The following USH2A variants were observed in gnomAD, a reference collection of about 807,000 sequenced individuals.
The protein encoded by USH2A is usherin.
A neutral mutation model predicts 538.9 loss-of-function variants in USH2A; 443 were observed. The ratio of observed to expected loss-of-function variants is 0.82; its 90% CI spans 0.76 to 0.89. USH2A has a LOEUF of 0.89. Ranked by LOEUF, USH2A falls within the 40% of genes least tolerant of loss-of-function variation. USH2A has a pLI of 0.00. For missense variants in USH2A, 6,633 were observed against 6,324.8 expected (o/e 1.05, Z -1.65); for synonymous variants, 2,413 against 2,273.5 (o/e 1.06, Z -1.75).
chr1:216,325,153 A>G (rs1384838443), intron 6 of USH2A, 152 bp downstream of exon 6: 1 of 915,926 alleles, frequency 1.1e-6, no homozygotes, highest in Admixed American at 2.2e-5. Context: ...GGAATCTTTA[A>G]GGGAATGTAG....
intron 19 of USH2A, among the ~76,000 whole-genome samples, chr1:216,193,166 T>C (rs879876492): frequency 2.6e-5 from 4 of 152,078 alleles, no homozygotes; most frequent in Non-Finnish European, 4.4e-5. Context: ...AGCCAGAGAA[T>C]AGTAAAAACA....
At chr1:215,993,317 T>TC in intron 34 of USH2A, 150 bp from the exon 35 acceptor site, 1 of 1,250,210 alleles carries the variant, frequency 8.0e-7, no homozygotes, top group Non-Finnish European at 1.1e-6. Context: ...AGTGTTAAGA[T>TC]TTAACATTTA....
At chr1:216,278,498 C>T (rs78841795) in intron 11 of USH2A, among the ~76,000 whole-genome samples, 1 of 152,106 alleles carries the variant, frequency 6.6e-6, no homozygotes, top group African/African-American at 2.4e-5. Flanking sequence ...CTCAATTTAC[C>T]AGCTCTATGA....
intron 32 of USH2A, among the ~76,000 whole-genome samples, chr1:216,006,219 T>C (rs1038121623): frequency 6.6e-6 from 1 of 152,210 alleles, no homozygotes; most frequent in Admixed American, 6.5e-5. Flanking sequence ...ATCTTCAGAA[T>C]GATTTCCAAG....
intron 4 of USH2A, among the ~76,000 whole-genome samples, chr1:216,351,168 T>C (rs2102690667): frequency 6.6e-6 from 1 of 152,336 alleles, no homozygotes; most frequent in Middle Eastern, 3.4e-3. Context: ...CTTTCTCTTT[T>C]ATATTATAGA....
At chr1:215,655,090 T>C (rs550048502) in intron 64 of USH2A, among the ~76,000 whole-genome samples, 1 of 152,370 alleles carries the variant, frequency 6.6e-6, no homozygotes, top group South Asian at 2.1e-4. Context: ...TTTGGGTACC[T>C]GTATCAGAAT....
At chr1:216,370,125 G>C (rs1057218242) in intron 3 of USH2A, among the ~76,000 whole-genome samples, 2 of 152,088 alleles carry the variant, frequency 1.3e-5, no homozygotes, top group Non-Finnish European at 2.9e-5. Flanking sequence ...TTGGGAGGCC[G>C]AGGTGGGCGG....
At chr1:216,353,704 G>T (rs887400633) in intron 4 of USH2A, among the ~76,000 whole-genome samples, 3 of 152,062 alleles carry the variant, frequency 2.0e-5, no homozygotes, top group African/African-American at 7.2e-5. Context: ...AAAAAAAGGG[G>T]TATAAATTAG....
intron 32 of USH2A, among the ~76,000 whole-genome samples, chr1:216,001,356 G>A (rs1164765273): frequency 6.6e-6 from 1 of 152,102 alleles, no homozygotes; most frequent in Non-Finnish European, 1.5e-5. Context: ...AGATGACCAT[G>A]AGACTAGGGT....
Position 216,251,114 on chromosome 1 carries a change from C to T in USH2A, c.1972-16G>A. 6.2e-7 allele frequency: 1 copy of T among 1,613,248 alleles called. No homozygotes were observed. Among genetic ancestry groups the T allele is most frequent in the Non-Finnish European group, 8.5e-7 (1 of 1,179,542 alleles). ...GTCCTCCAATCTAGAGAAGATACAACATTTTGTAGAATGATGAACGTATCT... is the reference window on the plus strand; with the variant it reads ...GTCCTCCAATCTAGAGAAGATACAATATTTTGTAGAATGATGAACGTATCT... On this transcript the variant is annotated splice_polypyrimidine_tract_variant and intron_variant, in intron 11 of 71. Transcript: ENST00000307340.
intron 61 of USH2A, among the ~76,000 whole-genome samples, chr1:215,720,664 A>G (rs1454721108): frequency 6.6e-6 from 1 of 152,182 alleles, no homozygotes; most frequent in Non-Finnish European, 1.5e-5. Flanking sequence ...TGTCAACGTG[A>G]TAGGACTTGA....
chr1:216,397,842 G>A (rs1375507689), intron 3 of USH2A, among the ~76,000 whole-genome samples: 1 of 152,228 alleles, frequency 6.6e-6, no homozygotes, highest in African/African-American at 2.4e-5. Flanking sequence ...ATAGCTTGCT[G>A]ACAGCCTGTC....
intron 13 of USH2A, among the ~76,000 whole-genome samples, chr1:216,246,298 C>T (rs997286270): frequency 6.6e-6 from 1 of 152,100 alleles, no homozygotes; most frequent in African/African-American, 2.4e-5. Context: ...TTTTAAAAAA[C>T]TGTTAAAAAG....
At chr1:216,295,703 G>T (rs1447419222) in intron 9 of USH2A, among the ~76,000 whole-genome samples, 1 of 151,886 alleles carries the variant, frequency 6.6e-6, no homozygotes, top group Non-Finnish European at 1.5e-5. Context: ...CCCAGCATAT[G>T]CCAGAGTTAC....
At chr1:215,628,247 C>T (rs1160704902) in intron 71 of USH2A, among the ~76,000 whole-genome samples, 5 of 151,948 alleles carry the variant, frequency 3.3e-5, no homozygotes, top group African/African-American at 1.2e-4. Flanking sequence ...TGTTTCCTGT[C>T]ATCTGCTCCA....
intron 35 of USH2A, among the ~76,000 whole-genome samples, chr1:215,973,985 C>T (rs999606536): frequency 2.1e-4 from 31 of 146,020 alleles, no homozygotes; most frequent in African/African-American, 6.9e-4. Context: ...CAGAGTTACC[C>T]GGCATCCTGT....
intron 4 of USH2A, among the ~76,000 whole-genome samples, chr1:216,344,838 C>T (rs1001300301): frequency 1.3e-5 from 2 of 151,154 alleles, no homozygotes; most frequent in East Asian, 1.9e-4. Context: ...GGGTTTCAGG[C>T]CCCTCTCAGT....
In USH2A at chr1:215,896,702, T is replaced by C. The variant is rs7531809; in HGVS notation, c.7594+3373A>G. Among the ~76,000 whole-genome samples, 1,359 of 152,286 alleles carry C rather than the reference T, an allele frequency of 8.9e-3. 15 individuals are homozygous for C. Among genetic ancestry groups the C allele is most frequent in the African/African-American group, 0.031 (1,285 of 41,566 alleles). ...ATATAATCAGGAGTGATGGTTATCT[T>C]TGTTTTCAAGATATCAACATTTTCA... On this transcript the variant is annotated intron_variant, in intron 40 of 71. Transcript: ENST00000307340.
At chr1:216,078,491 G>T (rs879549742) in intron 26 of USH2A, 129 bp from the exon 27 acceptor site, 17 of 818,186 alleles carry the variant, frequency 2.1e-5, no homozygotes, top group Non-Finnish European at 3.4e-5. Context: ...ATAGAAATGT[G>T]TCACTCTACC....
Sources: gnomAD v4.1 joint callset for allele counts (sites outside exome capture counted in the v4.1 genomes callset) on GRCh38, gnomAD v4.1.1 for gene constraint, MANE v1.5 for transcripts, NCBI Gene and HGNC (gene_info 2026-07-23, HGNC 2026-07-21) for gene names.